The following THADA variants were observed in gnomAD, a reference collection of about 807,000 sequenced individuals.
THADA encodes the protein THADA armadillo repeat containing, also known as tRNA (32-2'-O)-methyltransferase regulator THADA.
A neutral mutation model predicts 219.8 loss-of-function variants in THADA; 213 were observed. The observed-to-expected ratio is 0.97, with a 90% CI of 0.87 to 1.09. The LOEUF is 1.09. Among genes scored for constraint, THADA ranks in the 50% least tolerant of loss-of-function variants. THADA has a pLI of 0.00. For synonymous variants in THADA, 1,018 were observed against 828.9 expected (o/e 1.23, Z -3.92); for missense variants, 2,956 against 2,311.3 (o/e 1.28, Z -5.72).
chr2:43,232,679 C>T, intron 37 of THADA, 34 bp downstream of exon 37: 1 of 1,610,006 alleles, frequency 6.2e-7, no homozygotes, highest in Non-Finnish European at 8.5e-7. Context: ...ACACTCCAAC[C>T]CTGCCTCCTA....
chr2:43,332,389 T>A (rs1019466411), intron 30 of THADA, among the ~76,000 whole-genome samples: 1 of 152,202 alleles, frequency 6.6e-6, no homozygotes, highest in Non-Finnish European at 1.5e-5. Context: ...TTTGACTAAT[T>A]CTAGCATTGA....
rs924088616 is a variant in THADA, at chr2:43,287,188, T to C, written c.5011-127A>G. 7.6e-6 allele frequency: 6 copies of C among 784,454 alleles called. No homozygotes were observed. The African/African-American group carries it at 8.7e-5, about 11-fold the overall frequency. The allele number at this position is 784,454 out of a possible 1,614,324, so 48.6% of individuals were successfully genotyped here. A position where few individuals can be genotyped will look rare whatever the true frequency, so the allele number is the denominator to read the frequency against. ...TTAGCTCAATGGGAAGAAAGTTGTT[T>C]TTTAGTTGCTTTTCGATTCCAACTA... On this transcript the variant is annotated intron_variant, in intron 34 of 37. Transcript: ENST00000405975.
chr2:43,489,874 C>CAAAAAAAAAAAAAAAAA (rs201735523), intron 25 of THADA, among the ~76,000 whole-genome samples: 1,804 of 55,958 alleles, frequency 0.032, 140 homozygotes, highest in African/African-American at 0.04. Context: ...TTAAGATCTG[C>CAAAAAAAAAAAAAAAAA]AAAAAAAAAA....
At chr2:43,565,848 G>C (rs924156285) in intron 15 of THADA, 3 of 152,914 alleles carry the variant, frequency 2.0e-5, no homozygotes, top group African/African-American at 7.2e-5. Context: ...ACCACTTTGG[G>C]AGGCCGAGGC....
chr2:43,515,002 AT>A (rs1231311446), intron 22 of THADA, among the ~76,000 whole-genome samples: 2 of 32,678 alleles, frequency 6.1e-5, no homozygotes. Flanking sequence ...AATATATAAT[AT>A]TATATATATT....
chr2:43,236,322 A>T (rs2104025625), intron 36 of THADA, among the ~76,000 whole-genome samples: 1 of 152,300 alleles, frequency 6.6e-6, no homozygotes, highest in South Asian at 2.1e-4. Context: ...TTGGATTTAG[A>T]TCTCCTGCTT....
Position 43,560,239 on chromosome 2 carries a change from A to C in THADA, c.2458T>G (p.Phe820Val), listed in dbSNP as rs369396814. 2 of 1,610,006 alleles carry C rather than the reference A, an allele frequency of 1.2e-6. No individual in the cohort carries two copies. The highest frequency in any genetic ancestry group is 1.7e-6 in the Non-Finnish European group (2 of 1,178,624). ...LMKLSKTAVH[F>V]QDSGKLQGLF... ...TACTAGAAAAGTCCTGATACCTGAA[A>C]ATGTACAGCTGTTTTTGATAACTTC... Residue 820 changes from phenylalanine (F) to valine (V), a missense_variant, in exon 16 of 38, where the codon TTT (phenylalanine) becomes GTT (valine). By Grantham distance (50) the Phe-to-Val change is conservative. Transcript: ENST00000405975.
intron 26 of THADA, among the ~76,000 whole-genome samples, chr2:43,434,040 G>A (rs1158575771): frequency 6.6e-6 from 1 of 152,166 alleles, no homozygotes; most frequent in South Asian, 2.1e-4. Flanking sequence ...CCAAGAGTAA[G>A]AGTAGCAAAG....
intron 30 of THADA, among the ~76,000 whole-genome samples, chr2:43,321,121 T>C (rs1051144093): frequency 2.6e-5 from 4 of 152,186 alleles, no homozygotes; most frequent in Non-Finnish European, 5.9e-5. Flanking sequence ...TTGAACAACA[T>C]AGTAGAAATA....
At position 43,389,318 on chromosome 2, in the gene THADA, T is replaced by C. The variant is rs548441488; in HGVS notation, c.4227+8653A>G. ...TTATTCTATTAATACATTATGTACA[T>C]TACATATCAAATGTAAAATAATAGC... On this transcript the variant is annotated intron_variant, in intron 29 of 37. Coordinates refer to ENST00000405975, the MANE Select transcript of THADA (RefSeq NM_022065.5). 1.4e-3 allele frequency among the ~76,000 whole-genome samples: 207 copies of C among 152,272 alleles called. 1 individual carries two copies. The highest frequency in any genetic ancestry group is 3.3e-3 in the Admixed American group (51 of 15,286).
intron 31 of THADA, 124 bp from the exon 32 acceptor site, chr2:43,293,337 A>G: frequency 9.2e-7 from 1 of 1,088,224 alleles, no homozygotes; most frequent in Non-Finnish European, 1.3e-6. Flanking sequence ...AGCAGATTTC[A>G]AACACTGTCA....
At chr2:43,446,962 T>C (rs1296592705) in intron 26 of THADA, among the ~76,000 whole-genome samples, 1 of 152,206 alleles carries the variant, frequency 6.6e-6, no homozygotes, top group Non-Finnish European at 1.5e-5. Context: ...TCAGTATTTC[T>C]TGGCTTATAG....
chr2:43,472,682 AGT>A lies in THADA; in HGVS notation c.3836+12550_3836+12551del, dbSNP rs1360493815. Reference sequence around the variant, plus strand: ...TTAACAACAGGGATATGTTCTCAGAAGTGTGTCATTAGACAATTGCATTGTAG... The same window carrying A: ...TTAACAACAGGGATATGTTCTCAGAAGTGTCATTAGACAATTGCATTGTAG... On this transcript the variant is annotated intron_variant, in intron 26 of 37. Coordinates refer to ENST00000405975, the MANE Select transcript of THADA (RefSeq NM_022065.5). Among the ~76,000 whole-genome samples, 3 of 152,284 alleles carry A rather than the reference AGT, an allele frequency of 2.0e-5. No homozygotes were observed. The East Asian group carries it at 5.8e-4, about 29-fold the overall frequency.
intron 31 of THADA, among the ~76,000 whole-genome samples, chr2:43,308,720 C>G (rs1573005934): frequency 4.0e-5 from 1 of 24,942 alleles, no homozygotes; most frequent in East Asian, 1.1e-3. Context: ...AAGAAAGAAA[C>G]AAACAAAAAA....
chr2:43,461,494 C>T (rs1683638518), intron 26 of THADA, among the ~76,000 whole-genome samples: 1 of 152,172 alleles, frequency 6.6e-6, no homozygotes, highest in African/African-American at 2.4e-5. Flanking sequence ...CTTTATTTTG[C>T]TTTAAGCATT....
intron 26 of THADA, among the ~76,000 whole-genome samples, chr2:43,454,436 A>C (rs1682735246): frequency 6.6e-6 from 1 of 152,060 alleles, no homozygotes; most frequent in South Asian, 2.1e-4. Flanking sequence ...ACCCATCTCT[A>C]CAAAAAAATA....
intron 28 of THADA, among the ~76,000 whole-genome samples, chr2:43,406,018 C>G (rs979271395): frequency 1.3e-5 from 2 of 152,164 alleles, no homozygotes; most frequent in African/African-American, 4.8e-5. Flanking sequence ...TCCCAGTGAC[C>G]CAGGCTGACA....
chr2:43,502,814 C>G (rs1340233099), intron 24 of THADA, among the ~76,000 whole-genome samples: 1 of 151,702 alleles, frequency 6.6e-6, no homozygotes, highest in African/African-American at 2.4e-5. Context: ...TTCAAATAAT[C>G]AAAAAGAAAT....
chr2:43,351,293 T>C (rs1668224580), intron 29 of THADA, among the ~76,000 whole-genome samples: 1 of 152,236 alleles, frequency 6.6e-6, no homozygotes, highest in Non-Finnish European at 1.5e-5. Flanking sequence ...ATTTAATTTC[T>C]GTTTCCTCCA....
Sources: gnomAD v4.1 joint callset for allele counts (sites outside exome capture counted in the v4.1 genomes callset) on GRCh38, gnomAD v4.1.1 for gene constraint, MANE v1.5 for transcripts, NCBI Gene and HGNC (gene_info 2026-07-23, HGNC 2026-07-21) for gene names.